WNT7A: variants seen among roughly 807,000 people sequenced by gnomAD.
The protein encoded by WNT7A is Wnt family member 7A, also known as protein Wnt-7a.
A neutral mutation model predicts 28.2 loss-of-function variants in WNT7A; 16 were observed. The ratio of observed to expected loss-of-function variants is 0.57; its 90% CI spans 0.38 to 0.86. The LOEUF (loss-of-function observed/expected upper bound fraction) is 0.86. WNT7A is among the 40% of genes least tolerant of loss of function. The probability of loss-of-function intolerance (pLI) is 0.00; values close to 1 mark genes in which losing one functional copy is unlikely to be tolerated. For missense variants in WNT7A, 411 were observed against 489.7 expected (o/e 0.84, Z 1.52); for synonymous variants, 190 against 195.9 (o/e 0.97, Z 0.25).
At chr3:13,833,715 A>G (rs1694319373) in intron 3 of WNT7A, among the ~76,000 whole-genome samples, 2 of 152,170 alleles carry the variant, frequency 1.3e-5, no homozygotes, top group South Asian at 4.1e-4. Context: ...GGGTGAGGCA[A>G]TTGGGTAACC....
chr3:13,832,027 T>C (rs1333724756), intron 3 of WNT7A, among the ~76,000 whole-genome samples: 1 of 151,996 alleles, frequency 6.6e-6, no homozygotes, highest in Non-Finnish European at 1.5e-5. Context: ...CACACCAGGA[T>C]AGGTGCTACA....
At chr3:13,852,851 C>T (rs1694662450) in intron 3 of WNT7A, among the ~76,000 whole-genome samples, 1 of 152,172 alleles carries the variant, frequency 6.6e-6, no homozygotes, top group Non-Finnish European at 1.5e-5. Flanking sequence ...ACAGTCCCAC[C>T]TCTTGGCTCA....
At position 13,816,745 on chromosome 3, in the gene WNT7A, C is replaced by T. The variant is rs957402188; in HGVS notation, c.*2199G>A. 5.3e-5 allele frequency: 8 copies of T among 152,170 alleles called. No homozygotes were observed. The highest frequency in any genetic ancestry group is 1.9e-4 in the African/African-American group (8 of 41,390). 9.4% of individuals were successfully genotyped at this position (152,170 alleles called of 1,614,324 possible). ...TTCATCCATTCATCCGCTCACTTAT[C>T]AATCCATCCACCCATCTGTTTATCC... On this transcript the variant is annotated 3_prime_UTR_variant, in exon 4 of 4. Coordinates refer to ENST00000285018, the MANE Select transcript of WNT7A (RefSeq NM_004625.4).
At chr3:13,867,186 G>A (rs964960075) in intron 2 of WNT7A, among the ~76,000 whole-genome samples, 1 of 152,162 alleles carries the variant, frequency 6.6e-6, no homozygotes, top group Non-Finnish European at 1.5e-5. Context: ...AGGTGGGTGT[G>A]TGGCTCCCCC....
intron 1 of WNT7A, among the ~76,000 whole-genome samples, chr3:13,876,353 G>A (rs1213683416): frequency 1.3e-5 from 2 of 152,220 alleles, no homozygotes; most frequent in Non-Finnish European, 2.9e-5. Context: ...ATTTTCTCAG[G>A]TGCATCAGGC....
intron 3 of WNT7A, among the ~76,000 whole-genome samples, chr3:13,839,842 G>A (rs1694428386): frequency 6.6e-6 from 1 of 152,190 alleles, no homozygotes; most frequent in South Asian, 2.1e-4. Flanking sequence ...GTAAACCATT[G>A]AGAGCGTGGA....
chr3:13,827,639 G>A (rs1362693594), intron 3 of WNT7A, among the ~76,000 whole-genome samples: 2 of 152,116 alleles, frequency 1.3e-5, no homozygotes, highest in Non-Finnish European at 2.9e-5. Flanking sequence ...CTTCCTGGAA[G>A]AAGGAAGGAT....
rs116744013 is a variant in WNT7A, at chr3:13,860,506, A to C, written c.299-5703T>G. Among the ~76,000 whole-genome samples the C allele has an allele frequency of 3.5e-3, 536 of 152,336 alleles. 3 individuals are homozygous for C. The highest frequency in any genetic ancestry group is 6.6e-3 in the Non-Finnish European group (451 of 68,032). On this transcript the variant is annotated intron_variant, in intron 2 of 3. Coordinates refer to ENST00000285018, the MANE Select transcript of WNT7A (RefSeq NM_004625.4). ...TCGGATGGCTTGCTGAGCTGAGAAC[A>C]GGGTTTGATGGTAGAAAGCAGAAAA...
In WNT7A at chr3:13,875,130, TACA is replaced by T; in HGVS notation, c.112_114del (p.Cys38del). Reference sequence around the variant, plus strand: ...CTGGGAGCCAGGCCTGGGATCTTGTTACAGATGATGCTTGCGCCCAGAGCTACC... The same window carrying T: ...CTGGGAGCCAGGCCTGGGATCTTGTTGATGATGCTTGCGCCCAGAGCTACC... On this transcript the variant is annotated inframe_deletion, in exon 2 of 4. Transcript: ENST00000285018. The T allele has an allele frequency of 6.2e-7, 1 of 1,614,142 alleles. No homozygotes were observed. Among genetic ancestry groups the T allele is most frequent in the South Asian group, 1.1e-5 (1 of 91,080 alleles).
chr3:13,856,959 GAAGAAGA>G (rs1559303355), intron 2 of WNT7A, among the ~76,000 whole-genome samples: 42 of 125,256 alleles, frequency 3.4e-4, no homozygotes, highest in Non-Finnish European at 5.0e-4. Flanking sequence ...AGAAGAAGAA[GAAGAAGA>G]AGGAGAAGAA....
chr3:13,874,929 G>C lies in WNT7A; in HGVS notation c.298+18C>G. The C allele has an allele frequency of 6.2e-7, 1 of 1,613,170 alleles. No homozygotes were observed. Among genetic ancestry groups the C allele is most frequent in the Non-Finnish European group, 8.5e-7 (1 of 1,179,638 alleles). The stretch of plus-strand genomic sequence containing the variant: ...AGAGCCGGTAAGACTCTGCGGGGGT[G>C]TTTGGGTGAGCACATACCCACTTTG... On this transcript the variant is annotated intron_variant, in intron 2 of 3. Coordinates refer to ENST00000285018, the MANE Select transcript of WNT7A (RefSeq NM_004625.4).
chr3:13,849,005 T>C (rs1164568957), intron 3 of WNT7A, among the ~76,000 whole-genome samples: 1 of 152,242 alleles, frequency 6.6e-6, no homozygotes, highest in African/African-American at 2.4e-5. Context: ...AAGGTTATAC[T>C]GTAAGACCCA....
chr3:13,834,514 GCCTCTTTGACTTCATCT>G (rs1198845443), intron 3 of WNT7A, among the ~76,000 whole-genome samples: 3 of 152,140 alleles, frequency 2.0e-5, no homozygotes, highest in South Asian at 2.1e-4. Flanking sequence ...ATCCCCTGCT[GCCTCTTTGACTTCATCT>G]CCTCTTTGAC....
rs542657660 is a variant in WNT7A, at chr3:13,859,982, ATAGCCCATCTCC to A, written c.299-5191_299-5180del. On this transcript the variant is annotated intron_variant, in intron 2 of 3. Transcript: ENST00000285018. ...AACCTGTGATAAACTCCAGCCCCTT[ATAGCCCATCTCC>A]TAGCCCATTCATCAAATCAAGACTG... is the stretch of plus-strand genomic sequence containing the variant. Among the ~76,000 whole-genome samples the A allele has an allele frequency of 3.5e-3, 540 of 152,212 alleles. 4 individuals carry two copies. Among genetic ancestry groups the A allele is most frequent in the African/African-American group, 0.012 (508 of 41,526 alleles).
At position 13,829,550 on chromosome 3, in the gene WNT7A, G is replaced by A. The variant is rs562466199; in HGVS notation, c.571-10127C>T. Reference sequence around the variant, plus strand: ...CTAGAAGGGCAGGGCAGGGAGAGCGGCGCTGTGGGGCGGAAGGAGCCATCG... The same window carrying A: ...CTAGAAGGGCAGGGCAGGGAGAGCGACGCTGTGGGGCGGAAGGAGCCATCG... On this transcript the variant is annotated intron_variant, in intron 3 of 3. Transcript: ENST00000285018. Among the ~76,000 whole-genome samples the A allele has an allele frequency of 3.9e-5, 6 of 152,326 alleles. No homozygotes were observed. In the South Asian group the frequency reaches 1.2e-3, roughly 32 times the overall value.
intron 3 of WNT7A, among the ~76,000 whole-genome samples, chr3:13,828,223 G>A (rs113351277): frequency 0.018 from 2,674 of 152,296 alleles, 72 homozygotes; most frequent in African/African-American, 0.059. Context: ...CACCAGATAC[G>A]AACAGGAGGG....
intron 2 of WNT7A, among the ~76,000 whole-genome samples, chr3:13,863,153 C>G (rs1694856843): frequency 6.6e-6 from 1 of 152,192 alleles, no homozygotes; most frequent in Non-Finnish European, 1.5e-5. Context: ...GATCGATAAA[C>G]AGTAGCTCTT....
chr3:13,874,593 A>C (rs1695075556), intron 2 of WNT7A, among the ~76,000 whole-genome samples: 1 of 152,234 alleles, frequency 6.6e-6, no homozygotes, highest in African/African-American at 2.4e-5. Context: ...AATTAAGAGT[A>C]GATCTGCCAA....
intron 3 of WNT7A, among the ~76,000 whole-genome samples, chr3:13,831,700 C>T (rs1277914486): frequency 6.6e-6 from 1 of 152,072 alleles, no homozygotes; most frequent in East Asian, 1.9e-4. Flanking sequence ...GGGCAGCCCC[C>T]CAGCCAAAGA....
Sources: allele counts gnomAD v4.1 joint callset (sites outside exome capture counted in the v4.1 genomes callset), GRCh38; gene constraint gnomAD v4.1.1; transcripts MANE v1.5; gene names NCBI Gene and HGNC (gene_info 2026-07-23, HGNC 2026-07-21).